Variants in ANO3 observed in about 807,000 individuals in gnomAD.
ANO3 encodes anoctamin-3.
ANO3 carries 99 observed loss-of-function variants against 144.8 expected under a neutral mutation model. The observed-to-expected ratio is 0.68, with a 90% CI of 0.58 to 0.81. The LOEUF (loss-of-function observed/expected upper bound fraction) is 0.81, where lower values mean the gene tolerates loss of function less well. ANO3 is among the 30% of genes least tolerant of loss of function. ANO3 has a pLI of 0.00. For missense variants in ANO3, 905 were observed against 1,202.2 expected, an observed-to-expected ratio of 0.75 and a Z score of 3.66; for synonymous variants, 414 against 392.6, an observed-to-expected ratio of 1.05 and a Z score of -0.64.
chr11:26,228,229 G>A (rs1852296550), intron 1 of ANO3, among the ~76,000 whole-genome samples: 1 of 152,174 alleles, frequency 6.6e-6, no homozygotes, highest in South Asian at 2.1e-4. Flanking sequence ...CTGTTTTTAT[G>A]GCTTCTACGA....
intron 1 of ANO3, among the ~76,000 whole-genome samples, chr11:26,349,805 C>T (rs979787826): frequency 3.3e-5 from 5 of 152,144 alleles, no homozygotes; most frequent in Non-Finnish European, 5.9e-5. Flanking sequence ...GCCTCGGCCT[C>T]CCAAAGTGCT....
intron 14 of ANO3, chr11:26,566,959 A>T (rs767631871): frequency 6.2e-5 from 72 of 1,157,004 alleles, no homozygotes; most frequent in Non-Finnish European, 7.5e-5. Flanking sequence ...CACTTAATAG[A>T]TGCTAACCTC....
At chr11:26,325,645 T>C (rs1444858573) in intron 1 of ANO3, among the ~76,000 whole-genome samples, 1 of 152,230 alleles carries the variant, frequency 6.6e-6, no homozygotes, top group African/African-American at 2.4e-5. Flanking sequence ...CCCTTCATTA[T>C]ATCACAATGT....
chr11:26,627,444 C>T (rs1369921231), intron 18 of ANO3, among the ~76,000 whole-genome samples: 1 of 151,932 alleles, frequency 6.6e-6, no homozygotes, highest in Non-Finnish European at 1.5e-5. Context: ...CTGCCTGACA[C>T]ATGACAAGTG....
chr11:26,555,117 T>A lies in ANO3; in HGVS notation c.1386+1772T>A, dbSNP rs558536021. On this transcript the variant is annotated intron_variant, in intron 13 of 26. Coordinates refer to ENST00000256737, the MANE Select transcript of ANO3 (RefSeq NM_031418.4). ...AAGAACATGTGAAAAGTCTGTTTCG[T>A]TTATACTTTAATTTCAGAACAAATG... 8.0e-4 allele frequency among the ~76,000 whole-genome samples: 122 copies of A among 152,294 alleles called. 1 individual carries two copies. Among genetic ancestry groups the A allele is most frequent in the African/African-American group, 2.8e-3 (118 of 41,568 alleles).
intron 1 of ANO3, among the ~76,000 whole-genome samples, chr11:26,342,996 T>G (rs1855404616): frequency 6.6e-6 from 1 of 152,200 alleles, no homozygotes; most frequent in African/African-American, 2.4e-5. Context: ...TGAGAATATT[T>G]AATATCCACC....
At chr11:26,231,395 G>T (rs888334735) in intron 1 of ANO3, among the ~76,000 whole-genome samples, 1 of 151,746 alleles carries the variant, frequency 6.6e-6, no homozygotes, top group African/African-American at 2.4e-5. Flanking sequence ...CCACAGCCAC[G>T]CATTTTTTTT....
intron 1 of ANO3, among the ~76,000 whole-genome samples, chr11:26,406,822 T>C (rs931075628): frequency 4.6e-5 from 7 of 150,900 alleles, no homozygotes; most frequent in Admixed American, 1.3e-4. Flanking sequence ...TCCTGTCAAG[T>C]TTGTGATGAT....
intron 1 of ANO3, among the ~76,000 whole-genome samples, chr11:26,244,406 A>G (rs907601905): frequency 1.3e-5 from 2 of 152,178 alleles, no homozygotes; most frequent in Admixed American, 1.3e-4. Context: ...TCCTAGCTAC[A>G]ATTTCATAAT....
chr11:26,472,201 G>A (rs1859808293), intron 4 of ANO3, among the ~76,000 whole-genome samples: 1 of 151,916 alleles, frequency 6.6e-6, no homozygotes, highest in East Asian at 1.9e-4. Context: ...CAGAAACCGT[G>A]TTATTTGAGC....
Position 26,414,408 on chromosome 11 carries a change from C to G in ANO3, c.47-27510C>G, listed in dbSNP as rs1590339968. Among the ~76,000 whole-genome samples the G allele has an allele frequency of 2.0e-5, 3 of 152,092 alleles. No homozygotes were observed. In the South Asian group the frequency reaches 6.2e-4, roughly 32 times the overall value. Reference sequence around the variant, plus strand: ...ATGTACACCATGGAATACTATGAAGCTATAAAAAAGAATGAGATCGTGTCC... The same window carrying G: ...ATGTACACCATGGAATACTATGAAGGTATAAAAAAGAATGAGATCGTGTCC... On this transcript the variant is annotated intron_variant, in intron 1 of 26. Coordinates refer to ENST00000256737, the MANE Select transcript of ANO3 (RefSeq NM_031418.4).
intron 14 of ANO3, among the ~76,000 whole-genome samples, chr11:26,582,529 C>G (rs1264666560): frequency 6.6e-6 from 1 of 152,090 alleles, no homozygotes; most frequent in African/African-American, 2.4e-5. Flanking sequence ...CTTTAAGGAG[C>G]TTAGTTGTAG....
chr11:26,296,584 G>T (rs551200138), intron 1 of ANO3, among the ~76,000 whole-genome samples: 1 of 152,084 alleles, frequency 6.6e-6, no homozygotes, highest in South Asian at 2.1e-4. Flanking sequence ...TGAGGTTAGG[G>T]GTTAGGAAAA....
intron 14 of ANO3, among the ~76,000 whole-genome samples, chr11:26,581,023 A>G (rs1342379979): frequency 1.3e-5 from 2 of 152,188 alleles, no homozygotes; most frequent in African/African-American, 2.4e-5. Context: ...ATTTCTTCCT[A>G]GAAAGAAGTT....
At chr11:26,649,997 C>T (rs2133080568) in intron 24 of ANO3, among the ~76,000 whole-genome samples, 1 of 152,228 alleles carries the variant, frequency 6.6e-6, no homozygotes, top group African/African-American at 2.4e-5. Context: ...ATGAGATTGA[C>T]TGGGTATCTA....
At chr11:26,284,713 C>T (rs949972471) in intron 1 of ANO3, among the ~76,000 whole-genome samples, 5 of 151,684 alleles carry the variant, frequency 3.3e-5, no homozygotes, top group South Asian at 2.1e-4. Flanking sequence ...TCCTGGCTAA[C>T]ACGGTGAAAC....
chr11:26,229,099 CA>C (rs1255223547), intron 1 of ANO3, among the ~76,000 whole-genome samples: 4 of 128,206 alleles, frequency 3.1e-5, no homozygotes, highest in Non-Finnish European at 7.4e-5. Flanking sequence ...ATAAAGAGGA[CA>C]TTTTTTTTTC....
At position 26,532,775 on chromosome 11, in the gene ANO3, C is replaced by T. The variant is rs147430755; in HGVS notation, c.869+1439C>T. 2.7e-3 allele frequency among the ~76,000 whole-genome samples: 412 copies of T among 152,192 alleles called. 1 individual carries two copies. The highest frequency in any genetic ancestry group is 9.4e-3 in the African/African-American group (389 of 41,516). ...GCTCCTACTCAAACACCACCACCTCCAAGAGACTGGCTCTGAAAATGTGAC... is the reference window on the plus strand; with the variant it reads ...GCTCCTACTCAAACACCACCACCTCTAAGAGACTGGCTCTGAAAATGTGAC... On this transcript the variant is annotated intron_variant, in intron 8 of 26. Coordinates refer to ENST00000256737, the MANE Select transcript of ANO3 (RefSeq NM_031418.4).
intron 1 of ANO3, among the ~76,000 whole-genome samples, chr11:26,274,128 T>C (rs1853507946): frequency 6.6e-6 from 1 of 152,172 alleles, no homozygotes; most frequent in African/African-American, 2.4e-5. Context: ...CTGCCCTGTT[T>C]AAGTTCTTTG....
Sources: gnomAD v4.1 joint callset for allele counts (sites outside exome capture counted in the v4.1 genomes callset) on GRCh38, gnomAD v4.1.1 for gene constraint, MANE v1.5 for transcripts, NCBI Gene and HGNC (gene_info 2026-07-23, HGNC 2026-07-21) for gene names.